The following ZNF536 variants were observed in gnomAD, a reference collection of about 807,000 sequenced individuals.
ZNF536 encodes the protein zinc finger protein 536.
A neutral mutation model predicts 84.5 loss-of-function variants in ZNF536; 13 were observed. That is an observed-to-expected ratio of 0.15 (90% CI 0.10 to 0.24). ZNF536 has a LOEUF of 0.24. Among genes scored for constraint, ZNF536 ranks in the 10% least tolerant of loss-of-function variants. The probability of loss-of-function intolerance (pLI) is 1.00; values close to 1 mark genes in which losing one functional copy is unlikely to be tolerated. For synonymous variants in ZNF536, 811 were observed against 742.5 expected, an observed-to-expected ratio of 1.09 and a Z score of -1.50; for missense variants, 1,536 against 1,747.5, an observed-to-expected ratio of 0.88 and a Z score of 2.16.
chr19:30,567,325 A>C (rs750793745), intron 1 of ZNF536, among the ~76,000 whole-genome samples: 5 of 152,130 alleles, frequency 3.3e-5, no homozygotes, highest in Non-Finnish European at 5.9e-5. Context: ...GGTAGGGACC[A>C]GGTGTTTGGG....
chr19:30,559,288 A>C (rs1001255779), downstream of ZNF536, among the ~76,000 whole-genome samples: 4 of 152,212 alleles, frequency 2.6e-5, no homozygotes, highest in African/African-American at 9.6e-5. Flanking sequence ...GGATCCCTAA[A>C]TGCCTAGCAA....
At chr19:30,466,584 A>AAGACAGAGAGAGAG (rs1555775076) in intron 2 of ZNF536, among the ~76,000 whole-genome samples, 1 of 144,374 alleles carries the variant, frequency 6.9e-6, no homozygotes, top group Non-Finnish European at 1.5e-5. Context: ...GAAAGAAAGA[A>AAGACAGAGAGAGAG]AGAGAGAGAG....
intron 4 of ZNF536, among the ~76,000 whole-genome samples, chr19:30,552,899 A>G (rs2045835254): frequency 6.6e-6 from 1 of 152,204 alleles, no homozygotes; most frequent in Admixed American, 6.5e-5. Flanking sequence ...CCCAAGGAAG[A>G]GGTTAAGCCA....
intron 2 of ZNF536, among the ~76,000 whole-genome samples, chr19:30,486,514 AG>A (rs1017641519): frequency 2.6e-4 from 39 of 152,286 alleles, no homozygotes; most frequent in African/African-American, 9.4e-4. Context: ...ATGGGCATTT[AG>A]GTTGATTCCA....
At chr19:30,538,493 C>A (rs993926976) in intron 3 of ZNF536, among the ~76,000 whole-genome samples, 2 of 152,168 alleles carry the variant, frequency 1.3e-5, no homozygotes, top group Admixed American at 1.3e-4. Context: ...TCTCCTAACA[C>A]CTGTTTGTTG....
intron 1 of ZNF536, among the ~76,000 whole-genome samples, chr19:30,646,998 A>C (rs2049498343): frequency 6.6e-6 from 1 of 152,026 alleles, no homozygotes; most frequent in Non-Finnish European, 1.5e-5. Context: ...TCCACCCCCC[A>C]CCACACTCAC....
chr19:30,329,285 C>T (rs891288112), intron 2 of ZNF536, among the ~76,000 whole-genome samples: 3 of 152,122 alleles, frequency 2.0e-5, no homozygotes, highest in Admixed American at 6.5e-5. Flanking sequence ...CGTAGGAATG[C>T]GGTCCTGCTT....
intron 2 of ZNF536, among the ~76,000 whole-genome samples, chr19:30,466,389 A>C (rs1168405942): frequency 2.6e-5 from 4 of 151,044 alleles, no homozygotes; most frequent in Non-Finnish European, 5.9e-5. Context: ...AAAAAAAAAA[A>C]AACCCAAACC....
rs559338497 is a variant in ZNF536, at chr19:30,439,801, G to A, written c.-2-3760G>A. 8.5e-5 allele frequency among the ~76,000 whole-genome samples: 13 copies of A among 152,174 alleles called. No homozygotes were observed. The East Asian group carries it at 1.9e-3, about 23-fold the overall frequency. On this transcript the variant is annotated intron_variant, in intron 1 of 4. Coordinates refer to ENST00000355537, the MANE Select transcript of ZNF536 (RefSeq NM_014717.3). Reference sequence around the variant, plus strand: ...CAGTGACGGTCAGTTAAGTTCTAAAGGGAACCATTGCTGTGTCTCCTAGTA... The same window carrying A: ...CAGTGACGGTCAGTTAAGTTCTAAAAGGAACCATTGCTGTGTCTCCTAGTA...
At chr19:30,467,637 G>T (rs570485829) in intron 2 of ZNF536, among the ~76,000 whole-genome samples, 1 of 152,310 alleles carries the variant, frequency 6.6e-6, no homozygotes, top group East Asian at 1.9e-4. Context: ...TTGAACCCAT[G>T]AAGGCCATTC....
intron 2 of ZNF536, among the ~76,000 whole-genome samples, chr19:30,471,967 A>T (rs1050027032): frequency 6.6e-6 from 1 of 151,962 alleles, no homozygotes; most frequent in Non-Finnish European, 1.5e-5. Flanking sequence ...ATGAGCCTTT[A>T]TGCTGGGCAA....
rs1171357376 is a variant in ZNF536, at chr19:30,230,503, G to A, written c.-190+1830G>A. On this transcript the variant is annotated intron_variant, in intron 1 of 5. Coordinates refer to the ZNF536 transcript ENST00000585628. ...CAACTCAGCAACTTAACTGCTGGCCGGGCTGTCTTCACGGAAGACTTAGGG... is the reference window on the plus strand; with the variant it reads ...CAACTCAGCAACTTAACTGCTGGCCAGGCTGTCTTCACGGAAGACTTAGGG... 7.2e-5 allele frequency among the ~76,000 whole-genome samples: 11 copies of A among 152,196 alleles called. No individual in the cohort carries two copies. In the East Asian group the frequency reaches 7.7e-4, roughly 11 times the overall value.
intron 1 of ZNF536, among the ~76,000 whole-genome samples, chr19:30,279,686 A>G (rs2045367035): frequency 6.6e-6 from 1 of 152,166 alleles, no homozygotes; most frequent in South Asian, 2.1e-4. Flanking sequence ...CGCTCTGTGT[A>G]TCTTGGGACG....
intron 1 of ZNF536, among the ~76,000 whole-genome samples, chr19:30,699,671 T>C (rs1020470000): frequency 6.6e-6 from 1 of 152,230 alleles, no homozygotes; most frequent in African/African-American, 2.4e-5. Flanking sequence ...TGATTCTTTA[T>C]GTATATTTTT....
chr19:30,278,855 T>C (rs8103979), intron 1 of ZNF536, among the ~76,000 whole-genome samples: 49,285 of 152,020 alleles, frequency 0.32, 9,917 homozygotes, highest in East Asian at 0.62. Flanking sequence ...GCTCCTTTCG[T>C]AGCAGGCATA....
At chr19:30,624,328 C>A (rs1268089739) in intron 1 of ZNF536, among the ~76,000 whole-genome samples, 2 of 152,158 alleles carry the variant, frequency 1.3e-5, no homozygotes, top group Non-Finnish European at 2.9e-5. Flanking sequence ...GTGCCTGTTT[C>A]TGGAATCTAG....
intron 1 of ZNF536, among the ~76,000 whole-genome samples, chr19:30,431,639 C>T (rs964914713): frequency 1.3e-5 from 2 of 152,154 alleles, no homozygotes; most frequent in Admixed American, 6.5e-5. Flanking sequence ...ATAAACTGTT[C>T]GACACGATAT....
chr19:30,531,704 A>G (rs1377614327), intron 2 of ZNF536, among the ~76,000 whole-genome samples: 1 of 152,120 alleles, frequency 6.6e-6, no homozygotes, highest in East Asian at 1.9e-4. Context: ...GGCTCATTGC[A>G]GCCTCGACCT....
At chr19:30,521,341 C>T (rs533875560) in intron 2 of ZNF536, among the ~76,000 whole-genome samples, 2 of 152,316 alleles carry the variant, frequency 1.3e-5, no homozygotes, top group South Asian at 4.1e-4. Context: ...CCCTGAAAAG[C>T]AAGGGCTGCT....
Sources: allele counts gnomAD v4.1 joint callset (sites outside exome capture counted in the v4.1 genomes callset), GRCh38; gene constraint gnomAD v4.1.1; transcripts MANE v1.5; gene names NCBI Gene and HGNC (gene_info 2026-07-23, HGNC 2026-07-21).